EPC2: variants seen among roughly 807,000 people sequenced by gnomAD.
EPC2 encodes the protein enhancer of polycomb 2, also known as enhancer of polycomb homolog 2.
In EPC2, 14 loss-of-function variants were observed where a neutral mutation model predicts 92.1. The observed-to-expected ratio is 0.15, with a 90% confidence interval of 0.10 to 0.24. The LOEUF (loss-of-function observed/expected upper bound fraction) is 0.24. Among genes scored for constraint, EPC2 ranks in the 10% least tolerant of loss-of-function variants. EPC2 has a pLI of 1.00. For missense variants in EPC2, 755 were observed against 971.5 expected (o/e 0.78, Z 2.96); for synonymous variants, 340 against 334.7 (o/e 1.02, Z -0.17).
intron 1 of EPC2, among the ~76,000 whole-genome samples, chr2:148,647,914 G>A (rs1044157628): frequency 6.6e-6 from 1 of 152,202 alleles, no homozygotes; most frequent in East Asian, 1.9e-4. Flanking sequence ...GCAGGCGTGA[G>A]CCACCGTGCC....
chr2:148,676,462 T>C (rs568734533), intron 1 of EPC2, among the ~76,000 whole-genome samples: 1 of 152,152 alleles, frequency 6.6e-6, no homozygotes, highest in South Asian at 2.1e-4. Context: ...AACATTAATA[T>C]AATTAAAAAG....
intron 1 of EPC2, among the ~76,000 whole-genome samples, chr2:148,665,771 A>G (rs778936056): frequency 3.3e-5 from 5 of 152,194 alleles, no homozygotes; most frequent in Non-Finnish European, 7.3e-5. Context: ...CAGTTAAGAC[A>G]GAGCAACTAT....
chr2:148,683,050 T>G (rs917099856), intron 1 of EPC2, among the ~76,000 whole-genome samples: 1 of 152,166 alleles, frequency 6.6e-6, no homozygotes, highest in African/African-American at 2.4e-5. Context: ...TTTTTCCTTA[T>G]TCACAAAATA....
intron 1 of EPC2, among the ~76,000 whole-genome samples, chr2:148,652,650 G>A (rs1433403905): frequency 6.6e-6 from 1 of 151,970 alleles, no homozygotes; most frequent in Non-Finnish European, 1.5e-5. Context: ...ATATTGTCCA[G>A]GATTATAATT....
chr2:148,653,562 G>A (rs954547315), intron 1 of EPC2, among the ~76,000 whole-genome samples: 3 of 152,188 alleles, frequency 2.0e-5, no homozygotes, highest in Non-Finnish European at 4.4e-5. Flanking sequence ...TTTCTCCTCA[G>A]CAGTTTCATT....
intron 12 of EPC2, among the ~76,000 whole-genome samples, chr2:148,784,312 C>T (rs1683817175): frequency 6.6e-6 from 1 of 152,178 alleles, no homozygotes; most frequent in South Asian, 2.1e-4. Context: ...TATATATACC[C>T]ATGAACCTGA....
chr2:148,675,047 A>G (rs187039210), intron 1 of EPC2, among the ~76,000 whole-genome samples: 2 of 152,294 alleles, frequency 1.3e-5, no homozygotes, highest in Non-Finnish European at 2.9e-5. Context: ...CCTGTTGCAC[A>G]TTCTGCTTAC....
At chr2:148,676,864 A>AG (rs1176130112) in intron 1 of EPC2, among the ~76,000 whole-genome samples, 5 of 18,254 alleles carry the variant, frequency 2.7e-4, no homozygotes, top group Non-Finnish European at 1.5e-3. Context: ...ATTATTACCC[A>AG]CTTTTTTTGG....
Position 148,699,866 on chromosome 2 carries a change from A to G in EPC2, c.313+9493A>G, listed in dbSNP as rs554690091. 5.3e-5 allele frequency among the ~76,000 whole-genome samples: 8 copies of G among 152,258 alleles called. No homozygotes were observed. The South Asian group carries it at 6.2e-4, about 12-fold the overall frequency. On this transcript the variant is annotated intron_variant, in intron 2 of 13. Coordinates refer to ENST00000258484, the MANE Select transcript of EPC2 (RefSeq NM_015630.4). ...CCACTGACAGTGAATGAAAGTTTCT[A>G]TTGCCCCGCATCCTTATCATCGTTT...
intron 1 of EPC2, among the ~76,000 whole-genome samples, chr2:148,670,535 A>G (rs1440762543): frequency 6.6e-6 from 1 of 152,006 alleles, no homozygotes; most frequent in Non-Finnish European, 1.5e-5. Flanking sequence ...ACAAGATAGG[A>G]TTTATTTTTT....
At chr2:148,779,390 T>A (rs996395867) in intron 10 of EPC2, among the ~76,000 whole-genome samples, 1 of 152,190 alleles carries the variant, frequency 6.6e-6, no homozygotes, top group African/African-American at 2.4e-5. Context: ...GAGGCCAGCC[T>A]GGGCAATGTA....
chr2:148,728,266 C>T (rs888215087), intron 2 of EPC2, among the ~76,000 whole-genome samples: 1 of 152,106 alleles, frequency 6.6e-6, no homozygotes, highest in Non-Finnish European at 1.5e-5. Context: ...TAAACCTTAT[C>T]TTACATCTGT....
intron 2 of EPC2, among the ~76,000 whole-genome samples, chr2:148,717,111 T>C (rs539218214): frequency 5.4e-4 from 82 of 152,118 alleles, no homozygotes; most frequent in Non-Finnish European, 1.1e-3. Flanking sequence ...ATTATATTTA[T>C]TTGACTGTTC....
chr2:148,660,429 A>G (rs1400023560), intron 1 of EPC2, among the ~76,000 whole-genome samples: 1 of 152,128 alleles, frequency 6.6e-6, no homozygotes, highest in East Asian at 1.9e-4. Flanking sequence ...AGAATTTTAA[A>G]TATAGATATG....
At chr2:148,652,049 T>C (rs1422042995) in intron 1 of EPC2, among the ~76,000 whole-genome samples, 1 of 152,196 alleles carries the variant, frequency 6.6e-6, no homozygotes, top group Non-Finnish European at 1.5e-5. Flanking sequence ...TACTGTTCTA[T>C]CATTTATTTT....
intron 1 of EPC2, among the ~76,000 whole-genome samples, chr2:148,648,720 A>G (rs997918907): frequency 7.2e-5 from 11 of 152,292 alleles, no homozygotes; most frequent in African/African-American, 2.6e-4. Context: ...CTTCGTTTAT[A>G]TAAACAAAGT....
chr2:148,649,701 G>C (rs1429512031), intron 1 of EPC2, among the ~76,000 whole-genome samples: 1 of 152,186 alleles, frequency 6.6e-6, no homozygotes, highest in Non-Finnish European at 1.5e-5. Flanking sequence ...CTGAAATTCA[G>C]ACCCTTGACA....
chr2:148,734,562 T>C (rs1391291476), intron 2 of EPC2, among the ~76,000 whole-genome samples: 3 of 152,148 alleles, frequency 2.0e-5, no homozygotes, highest in Non-Finnish European at 4.4e-5. Flanking sequence ...ACTAATAGGG[T>C]ATAGTAATGG....
At chr2:148,780,167 A>G (rs1169434465) in intron 10 of EPC2, among the ~76,000 whole-genome samples, 1 of 152,326 alleles carries the variant, frequency 6.6e-6, no homozygotes, top group East Asian at 1.9e-4. Flanking sequence ...TGTACTTCAA[A>G]AATACAGGTA....
Sources: gnomAD v4.1 joint callset for allele counts (sites outside exome capture counted in the v4.1 genomes callset) on GRCh38, gnomAD v4.1.1 for gene constraint, MANE v1.5 for transcripts, NCBI Gene and HGNC (gene_info 2026-07-23, HGNC 2026-07-21) for gene names.